LIN28B: variants seen among roughly 807,000 people sequenced by gnomAD.
LIN28B encodes lin-28 RNA binding posttranscriptional regulator B.
In LIN28B, 5 loss-of-function variants were observed where a neutral mutation model predicts 21.9. The observed-to-expected ratio is 0.23, with a 90% CI of 0.12 to 0.48. The LOEUF (loss-of-function observed/expected upper bound fraction) is 0.48, where lower values mean the gene tolerates loss of function less well. Among genes scored for constraint, LIN28B ranks in the 20% least tolerant of loss-of-function variants. The probability of loss-of-function intolerance (pLI) is 0.98; values close to 1 mark genes in which losing one functional copy is unlikely to be tolerated. For missense variants in LIN28B, 245 were observed against 310.5 expected, an observed-to-expected ratio of 0.79 and a Z score of 1.58; for synonymous variants, 109 against 111.3, an observed-to-expected ratio of 0.98 and a Z score of 0.13.
At chr6:104,981,889 G>A (rs1770233334) in intron 2 of LIN28B, among the ~76,000 whole-genome samples, 1 of 152,160 alleles carries the variant, frequency 6.6e-6, no homozygotes, top group Non-Finnish European at 1.5e-5. Flanking sequence ...AGCCAAGTTA[G>A]CCTACAAATA....
intron 2 of LIN28B, among the ~76,000 whole-genome samples, chr6:104,991,118 A>T (rs1328891812): frequency 6.7e-6 from 1 of 149,474 alleles, no homozygotes; most frequent in Non-Finnish European, 1.5e-5. Context: ...GGGGCTCCTC[A>T]CTTCCCAGAA....
intron 2 of LIN28B, among the ~76,000 whole-genome samples, chr6:105,013,387 T>C (rs1770961403): frequency 6.6e-6 from 1 of 152,108 alleles, no homozygotes; most frequent in Non-Finnish European, 1.5e-5. Context: ...TCTATTTATG[T>C]ATCTTTTTTT....
upstream of LIN28B, among the ~76,000 whole-genome samples, chr6:104,954,872 C>T (rs188182467): frequency 6.6e-6 from 1 of 152,272 alleles, no homozygotes; most frequent in Admixed American, 6.5e-5. Context: ...TAAACAGATT[C>T]TGAATCTACC....
chr6:104,978,466 T>C (rs1222618830), intron 2 of LIN28B, among the ~76,000 whole-genome samples: 1 of 152,096 alleles, frequency 6.6e-6, no homozygotes, highest in Non-Finnish European at 1.5e-5. Flanking sequence ...TTCTTATTTA[T>C]AGAAATCAGT....
intron 2 of LIN28B, among the ~76,000 whole-genome samples, chr6:104,967,872 A>C (rs1342521787): frequency 6.6e-6 from 1 of 151,826 alleles, no homozygotes; most frequent in East Asian, 1.9e-4. Context: ...TAATTTTTAA[A>C]ATTTTTTGTA....
chr6:105,046,270 G>A (rs955011741), intron 3 of LIN28B, among the ~76,000 whole-genome samples: 9 of 152,026 alleles, frequency 5.9e-5, no homozygotes, highest in African/African-American at 2.2e-4. Flanking sequence ...TGCAGTGTTT[G>A]GTTTTTTGTC....
chr6:104,988,195 A>G lies in LIN28B; in HGVS notation c.198+29909A>G, dbSNP rs1366212129. On this transcript the variant is annotated intron_variant, in intron 2 of 3. Coordinates refer to ENST00000345080, the MANE Select transcript of LIN28B (RefSeq NM_001004317.4). ...GCATGATACTAGCTACAGAGTTTTTATAAATATGTCAAATTATGGCAATTC... is the reference window on the plus strand; with the variant it reads ...GCATGATACTAGCTACAGAGTTTTTGTAAATATGTCAAATTATGGCAATTC... 4.6e-5 allele frequency among the ~76,000 whole-genome samples: 7 copies of G among 152,332 alleles called. No individual in the cohort carries two copies. In the East Asian group the frequency reaches 1.4e-3, roughly 29 times the overall value.
intron 3 of LIN28B, chr6:105,045,706 A>G (rs1328988241): frequency 6.6e-6 from 1 of 152,202 alleles, no homozygotes; most frequent in Non-Finnish European, 1.5e-5. Flanking sequence ...TCATATCTGT[A>G]CACACTTAGA....
At chr6:104,939,670 C>T (rs1188406185) in intron 2 of LIN28B, 1 of 152,206 alleles carries the variant, frequency 6.6e-6, no homozygotes, top group African/African-American at 2.4e-5. Context: ...TTATTAGTTA[C>T]TTTCAAATGA....
intron 2 of LIN28B, among the ~76,000 whole-genome samples, chr6:105,005,458 C>T (rs1770798102): frequency 6.6e-6 from 1 of 152,256 alleles, no homozygotes; most frequent in South Asian, 2.1e-4. Flanking sequence ...TTTATTTTAA[C>T]CTTTTTTACT....
At chr6:104,964,172 A>G (rs1769810633) in intron 2 of LIN28B, among the ~76,000 whole-genome samples, 1 of 152,334 alleles carries the variant, frequency 6.6e-6, no homozygotes, top group South Asian at 2.1e-4. Context: ...TTAACTTAAA[A>G]GTTGCTACTT....
At chr6:105,015,524 T>C (rs1250859534) in intron 2 of LIN28B, among the ~76,000 whole-genome samples, 1 of 152,182 alleles carries the variant, frequency 6.6e-6, no homozygotes, top group Non-Finnish European at 1.5e-5. Flanking sequence ...ATTTAACACC[T>C]AATGTAACTG....
intron 3 of LIN28B, among the ~76,000 whole-genome samples, chr6:105,038,600 G>A (rs928928927): frequency 3.3e-5 from 5 of 152,130 alleles, no homozygotes; most frequent in African/African-American, 4.8e-5. Flanking sequence ...CTCTACCTCA[G>A]AACCATCCAG....
intron 2 of LIN28B, among the ~76,000 whole-genome samples, chr6:105,010,273 G>A (rs1338808655): frequency 1.3e-5 from 2 of 151,516 alleles, no homozygotes; most frequent in Non-Finnish European, 2.9e-5. Flanking sequence ...TGAGGTGGGT[G>A]GATTACTTGA....
rs373743832 is a variant in LIN28B, at chr6:105,023,297, ATTT to A, written c.199-3000_199-2998del. Among the ~76,000 whole-genome samples the A allele has an allele frequency of 3.7e-3, 149 of 40,342 alleles. 5 individuals are homozygous for A. Among genetic ancestry groups the A allele is most frequent in the Admixed American group, 6.5e-3 (12 of 1,860 alleles). 26.5% of individuals were successfully genotyped at this position (40,342 alleles called of 152,430 possible). A position where few individuals can be genotyped will look rare whatever the true frequency, so the allele number is the denominator to read the frequency against. ...TATTATATATATAAATAATATATAT[ATTT>A]ATATATAATTATATTATATATAATA... On this transcript the variant is annotated intron_variant, in intron 2 of 3. Transcript: ENST00000345080.
intron 2 of LIN28B, among the ~76,000 whole-genome samples, chr6:104,989,300 A>G (rs965788472): frequency 2.6e-5 from 4 of 152,004 alleles, no homozygotes; most frequent in Non-Finnish European, 5.9e-5. Context: ...GCTTACTGCA[A>G]CCTCCACCTC....
intron 2 of LIN28B, among the ~76,000 whole-genome samples, chr6:104,983,621 G>C (rs982639798): frequency 1.3e-5 from 2 of 152,230 alleles, no homozygotes; most frequent in Admixed American, 1.3e-4. Context: ...TTATTGCCTA[G>C]GCTGGAGTGC....
intron 3 of LIN28B, among the ~76,000 whole-genome samples, chr6:105,075,434 T>C (rs35025363): frequency 0.024 from 3,707 of 152,330 alleles, 54 homozygotes; most frequent in Non-Finnish European, 0.038. Flanking sequence ...GAGAGTGATC[T>C]GTACTCTTAG....
rs145698636 is a variant in LIN28B, at chr6:105,009,088, C to T, written c.199-17210C>T. On this transcript the variant is annotated intron_variant, in intron 2 of 3. Transcript: ENST00000345080. Reference sequence around the variant, plus strand: ...TTTTGTGTGTGTGAATGGCTGTGCACAAGCCAGGGATTTTAATGATTGAGA... The same window carrying T: ...TTTTGTGTGTGTGAATGGCTGTGCATAAGCCAGGGATTTTAATGATTGAGA... 2.0e-4 allele frequency among the ~76,000 whole-genome samples: 30 copies of T among 152,176 alleles called. No individual in the cohort carries two copies. The East Asian group carries it at 5.8e-3, about 29-fold the overall frequency.
Sources: gnomAD v4.1 joint callset for allele counts (sites outside exome capture counted in the v4.1 genomes callset) on GRCh38, gnomAD v4.1.1 for gene constraint, MANE v1.5 for transcripts, NCBI Gene and HGNC (gene_info 2026-07-23, HGNC 2026-07-21) for gene names.